CTNNA3: variants seen among roughly 807,000 people sequenced by gnomAD.
CTNNA3 encodes the protein catenin alpha 3, also known as catenin alpha-3.
A neutral mutation model predicts 95.7 loss-of-function variants in CTNNA3; 76 were observed. The observed-to-expected ratio is 0.79, with a 90% CI of 0.66 to 0.96. CTNNA3 has a LOEUF of 0.96. Among genes scored for constraint, CTNNA3 ranks in the 40% least tolerant of loss-of-function variants. CTNNA3 has a pLI of 0.00. For synonymous variants in CTNNA3, 431 were observed against 374.4 expected (o/e 1.15, Z -1.74); for missense variants, 1,191 against 1,089.8 (o/e 1.09, Z -1.31).
chr10:66,791,812 T>C (rs1465265564), intron 7 of CTNNA3, among the ~76,000 whole-genome samples: 2 of 151,902 alleles, frequency 1.3e-5, no homozygotes, highest in African/African-American at 4.8e-5. Flanking sequence ...GGTTTTCTCA[T>C]CAGAGTTAGC....
intron 16 of CTNNA3, among the ~76,000 whole-genome samples, chr10:65,984,596 C>CT (rs760381805): frequency 1.2e-4 from 18 of 148,124 alleles, no homozygotes; most frequent in Non-Finnish European, 2.1e-4. Context: ...TTGAATAATG[C>CT]TAAAAACAAT....
In CTNNA3 at chr10:65,965,728, T is replaced by C. The variant is rs989605864; in HGVS notation, c.2400+884A>G. Among the ~76,000 whole-genome samples, 35 of 152,068 alleles carry C rather than the reference T, an allele frequency of 2.3e-4. 1 individual carries two copies. The highest frequency in any genetic ancestry group is 8.0e-4 in the African/African-American group (33 of 41,392). ...CTACTTTTGATGGTGATCCTTTGTTTGTGTTTTTGTAATTACATCCTCTTT... is the reference window on the plus strand; with the variant it reads ...CTACTTTTGATGGTGATCCTTTGTTCGTGTTTTTGTAATTACATCCTCTTT... On this transcript the variant is annotated intron_variant, in intron 17 of 17. Transcript: ENST00000433211.
At chr10:67,520,318 C>T (rs1839945606) in intron 5 of CTNNA3, among the ~76,000 whole-genome samples, 1 of 152,054 alleles carries the variant, frequency 6.6e-6, no homozygotes, top group African/African-American at 2.4e-5. Context: ...CCCTTCTGCC[C>T]CTGAGGCATT....
chr10:67,722,129 A>T (rs1841182861), intron 1 of CTNNA3, among the ~76,000 whole-genome samples: 1 of 152,292 alleles, frequency 6.6e-6, no homozygotes, highest in South Asian at 2.1e-4. Context: ...CCCCTTGTTC[A>T]TATACAAAAT....
At chr10:67,354,753 G>A (rs1842753769) in intron 5 of CTNNA3, among the ~76,000 whole-genome samples, 1 of 151,872 alleles carries the variant, frequency 6.6e-6, no homozygotes, top group Non-Finnish European at 1.5e-5. Context: ...AAAAAGTTAT[G>A]GTTTTTCTTT....
At chr10:67,288,207 A>T (rs1434176620) in intron 5 of CTNNA3, among the ~76,000 whole-genome samples, 1 of 152,190 alleles carries the variant, frequency 6.6e-6, no homozygotes, top group Admixed American at 6.5e-5. Context: ...CTCCTGTAGG[A>T]CACAGTTTTG....
chr10:67,220,848 T>C (rs1864620895), intron 5 of CTNNA3, among the ~76,000 whole-genome samples: 1 of 152,092 alleles, frequency 6.6e-6, no homozygotes, highest in African/African-American at 2.4e-5. Flanking sequence ...CATGTACCCC[T>C]TGATATACTG....
At chr10:67,192,726 A>C (rs985170610) in intron 6 of CTNNA3, among the ~76,000 whole-genome samples, 2 of 151,940 alleles carry the variant, frequency 1.3e-5, no homozygotes, top group Admixed American at 1.3e-4. Flanking sequence ...CAACTACCAA[A>C]AGATCTAGCA....
intron 7 of CTNNA3, among the ~76,000 whole-genome samples, chr10:67,057,666 G>A (rs1855520183): frequency 6.6e-6 from 1 of 152,102 alleles, no homozygotes; most frequent in African/African-American, 2.4e-5. Flanking sequence ...AGCACCCTCA[G>A]GAAAGTTGTA....
At chr10:67,029,224 G>A (rs1464584401) in intron 7 of CTNNA3, among the ~76,000 whole-genome samples, 2 of 152,154 alleles carry the variant, frequency 1.3e-5, no homozygotes, top group African/African-American at 2.4e-5. Flanking sequence ...GTTCACTAAT[G>A]TACCAAATAT....
At chr10:66,380,625 C>CTATCTATA (rs777137490) in intron 11 of CTNNA3, among the ~76,000 whole-genome samples, 27 of 122,888 alleles carry the variant, frequency 2.2e-4, no homozygotes, top group East Asian at 8.3e-4. Flanking sequence ...ATCTATCTAT[C>CTATCTATA]TATATATATA....
At chr10:67,373,000 C>T (rs186932660) in intron 5 of CTNNA3, among the ~76,000 whole-genome samples, 9 of 152,236 alleles carry the variant, frequency 5.9e-5, no homozygotes, top group African/African-American at 1.9e-4. Context: ...AAGGAACAAC[C>T]GGTACCAGCC....
intron 9 of CTNNA3, among the ~76,000 whole-genome samples, chr10:66,690,332 A>G (rs1847472843): frequency 6.6e-6 from 1 of 151,280 alleles, no homozygotes; most frequent in Admixed American, 6.6e-5. Flanking sequence ...TTCTTTTTTT[A>G]TTATTATTAT....
intron 9 of CTNNA3, among the ~76,000 whole-genome samples, chr10:66,633,118 A>G (rs1845203284): frequency 6.6e-6 from 1 of 152,192 alleles, no homozygotes; most frequent in Admixed American, 6.5e-5. Context: ...AGTTTCACCT[A>G]CGAAAATTTA....
At chr10:66,961,819 C>T (rs7901288) in intron 7 of CTNNA3, among the ~76,000 whole-genome samples, 34,153 of 151,940 alleles carry the variant, frequency 0.22, 4,368 homozygotes, top group Middle Eastern at 0.32. Flanking sequence ...TGATCTTCAC[C>T]TCCACTCCCT....
At chr10:67,467,333 G>T (rs941394707) in intron 5 of CTNNA3, among the ~76,000 whole-genome samples, 3 of 151,962 alleles carry the variant, frequency 2.0e-5, no homozygotes, top group Non-Finnish European at 4.4e-5. Flanking sequence ...CTTTTTTCAT[G>T]CTCAATAACC....
intron 13 of CTNNA3, among the ~76,000 whole-genome samples, chr10:66,129,380 G>C (rs2082980572): frequency 6.6e-6 from 1 of 152,192 alleles, no homozygotes; most frequent in Non-Finnish European, 1.5e-5. Flanking sequence ...CATGGCATTG[G>C]AGTTGCCAGG....
At chr10:65,970,683 T>A (rs145555572) in intron 16 of CTNNA3, among the ~76,000 whole-genome samples, 3,554 of 148,056 alleles carry the variant, frequency 0.024, 51 homozygotes, top group Non-Finnish European at 0.037. Context: ...ATATATAACA[T>A]ATTAGGTAAA....
intron 5 of CTNNA3, among the ~76,000 whole-genome samples, chr10:67,399,143 G>A (rs1844822200): frequency 6.6e-6 from 1 of 152,080 alleles, no homozygotes. Context: ...GGCAGAGGCA[G>A]AAGAGATGGA....
Sources: gnomAD v4.1 joint callset for allele counts (sites outside exome capture counted in the v4.1 genomes callset) on GRCh38, gnomAD v4.1.1 for gene constraint, MANE v1.5 for transcripts, NCBI Gene and HGNC (gene_info 2026-07-23, HGNC 2026-07-21) for gene names.